LSAMP: variants seen among roughly 807,000 people sequenced by gnomAD.
LSAMP encodes the protein limbic system-associated membrane protein.
A neutral mutation model predicts 38.6 loss-of-function variants in LSAMP; 7 were observed. The observed-to-expected ratio is 0.18, with a 90% confidence interval of 0.10 to 0.34. The LOEUF is 0.34. Ranked by LOEUF, LSAMP falls within the 10% of genes least tolerant of loss-of-function variation. LSAMP has a pLI of 1.00. For missense variants in LSAMP, 313 were observed against 420.0 expected, an observed-to-expected ratio of 0.75 and a Z score of 2.23; for synonymous variants, 154 against 166.8, an observed-to-expected ratio of 0.92 and a Z score of 0.59.
intron 3 of LSAMP, among the ~76,000 whole-genome samples, chr3:115,855,670 T>C (rs1375394305): frequency 6.6e-6 from 1 of 152,198 alleles, no homozygotes; most frequent in Admixed American, 6.5e-5. Flanking sequence ...CCAACAATTC[T>C]CCTGCTCCTT....
At chr3:116,228,330 A>G (rs565797978) in intron 1 of LSAMP, among the ~76,000 whole-genome samples, 1 of 152,200 alleles carries the variant, frequency 6.6e-6, no homozygotes, top group African/African-American at 2.4e-5. Flanking sequence ...TAGAATGTAC[A>G]ATGTTATCAT....
At chr3:115,993,649 A>G (rs545704284) in intron 3 of LSAMP, among the ~76,000 whole-genome samples, 156 of 152,200 alleles carry the variant, frequency 1.0e-3, no homozygotes, top group African/African-American at 3.2e-3. Flanking sequence ...TTGAACATAC[A>G]TATTTTAAAC....
chr3:116,279,167 G>A (rs2047093972), intron 1 of LSAMP, among the ~76,000 whole-genome samples: 1 of 152,188 alleles, frequency 6.6e-6, no homozygotes. Context: ...CTGGGAAAGA[G>A]AGGGACAGAG....
intron 1 of LSAMP, among the ~76,000 whole-genome samples, chr3:116,443,639 G>A (rs997343537): frequency 1.3e-5 from 2 of 152,050 alleles, no homozygotes; most frequent in Non-Finnish European, 1.5e-5. Flanking sequence ...GATGCCCCAG[G>A]GTTTATGCAC....
chr3:116,267,415 T>G (rs1456283631), intron 1 of LSAMP, among the ~76,000 whole-genome samples: 1 of 152,130 alleles, frequency 6.6e-6, no homozygotes, highest in Non-Finnish European at 1.5e-5. Context: ...GTACAATGTT[T>G]CCTGTTGTAC....
intron 1 of LSAMP, among the ~76,000 whole-genome samples, chr3:116,427,750 A>G (rs1386267220): frequency 6.6e-6 from 1 of 152,142 alleles, no homozygotes; most frequent in Non-Finnish European, 1.5e-5. Flanking sequence ...TCTGTTGAAC[A>G]TTTATTTAAT....
In LSAMP at chr3:116,093,667, G is replaced by A. The variant is rs538359807; in HGVS notation, c.156-7111C>T. Among the ~76,000 whole-genome samples, 4 of 152,196 alleles carry A rather than the reference G, an allele frequency of 2.6e-5. No individual in the cohort carries two copies. In the East Asian group the frequency reaches 7.7e-4, roughly 29 times the overall value. On this transcript the variant is annotated intron_variant, in intron 1 of 6. Coordinates refer to ENST00000490035, the MANE Select transcript of LSAMP (RefSeq NM_002338.5). The stretch of plus-strand genomic sequence containing the variant: ...CAGGATAGGTAAAGGAGAATCATTT[G>A]GAGAAAAATTGATTTTTTTTAAGAA...
At chr3:116,111,007 G>A (rs992715604) in intron 1 of LSAMP, among the ~76,000 whole-genome samples, 1 of 152,072 alleles carries the variant, frequency 6.6e-6, no homozygotes, top group Non-Finnish European at 1.5e-5. Context: ...GTCACAAGGT[G>A]CTCAGTGGGG....
chr3:116,265,558 G>T (rs75429064), intron 1 of LSAMP, among the ~76,000 whole-genome samples: 2 of 152,084 alleles, frequency 1.3e-5, no homozygotes, highest in South Asian at 2.1e-4. Context: ...CTAAATACTC[G>T]TTCCAGGATG....
At chr3:115,927,104 CTTCTTTAT>C (rs935012986) in intron 3 of LSAMP, among the ~76,000 whole-genome samples, 5 of 152,196 alleles carry the variant, frequency 3.3e-5, no homozygotes, top group Admixed American at 2.6e-4. Context: ...GAATGGTACT[CTTCTTTAT>C]GGGAAATATA....
chr3:116,152,118 A>G (rs1463537189), intron 1 of LSAMP, among the ~76,000 whole-genome samples: 1 of 152,016 alleles, frequency 6.6e-6, no homozygotes, highest in African/African-American at 2.4e-5. Context: ...GTCTGACATA[A>G]ACTCTTGAGG....
At chr3:116,251,438 G>A (rs368460741) in intron 1 of LSAMP, among the ~76,000 whole-genome samples, 2 of 152,134 alleles carry the variant, frequency 1.3e-5, no homozygotes, top group African/African-American at 4.8e-5. Context: ...GGGAGCCAAG[G>A]CCACCCAGCA....
chr3:115,808,104 TCCTTCCTCCCTCCCTCCCTCCCTC>T lies in LSAMP; in HGVS notation c.*2189_*2212del, dbSNP rs1381814013. On this transcript the variant is annotated 3_prime_UTR_variant, in exon 7 of 7. Coordinates refer to ENST00000490035, the MANE Select transcript of LSAMP (RefSeq NM_002338.5). ...CTTTCTCCTTCCTTCCTTCCTTCCT[TCCTTCCTCCCTCCCTCCCTCCCTC>T]CCTCCCTCCCTCCCTCCCTCCCCCC... is the stretch of plus-strand genomic sequence containing the variant. 107 of 92,080 alleles carry T rather than the reference TCCTTCCTCCCTCCCTCCCTCCCTC, an allele frequency of 1.2e-3. No individual in the cohort carries two copies. Among genetic ancestry groups the T allele is most frequent in the African/African-American group, 5.1e-3 (102 of 19,892 alleles). 5.7% of individuals were successfully genotyped at this position (92,080 alleles called of 1,614,324 possible).
chr3:116,249,978 G>A (rs1488601542), intron 1 of LSAMP, among the ~76,000 whole-genome samples: 4 of 151,954 alleles, frequency 2.6e-5, no homozygotes, highest in Non-Finnish European at 2.9e-5. Context: ...AGCCATTATT[G>A]TAAATCCTAT....
intron 1 of LSAMP, among the ~76,000 whole-genome samples, chr3:116,163,548 G>A (rs1305651192): frequency 6.6e-6 from 1 of 151,792 alleles, no homozygotes; most frequent in Non-Finnish European, 1.5e-5. Context: ...GTGTGCATGT[G>A]TCTTTATAGC....
chr3:115,819,114 C>T (rs924745657), intron 6 of LSAMP, among the ~76,000 whole-genome samples: 3 of 150,964 alleles, frequency 2.0e-5, no homozygotes, highest in Admixed American at 1.3e-4. Context: ...CAGGCCCTTG[C>T]ACTCCAGCCT....
At chr3:116,072,161 G>A (rs188625956) in intron 2 of LSAMP, among the ~76,000 whole-genome samples, 152 of 152,000 alleles carry the variant, frequency 1.0e-3, no homozygotes, top group South Asian at 2.1e-3. Context: ...ATTTTCAGTA[G>A]AGATGGGGTT....
At chr3:116,191,542 G>A (rs1303430171) in intron 1 of LSAMP, among the ~76,000 whole-genome samples, 1 of 152,156 alleles carries the variant, frequency 6.6e-6, no homozygotes, top group African/African-American at 2.4e-5. Flanking sequence ...AGACAGTTTA[G>A]GGCTGAGGAT....
chr3:115,854,412 A>C (rs1430966132), intron 3 of LSAMP, among the ~76,000 whole-genome samples: 1 of 150,202 alleles, frequency 6.7e-6, no homozygotes. Flanking sequence ...CCTCCCGAGT[A>C]GCTGGGACTA....
Sources: gnomAD v4.1 joint callset for allele counts (sites outside exome capture counted in the v4.1 genomes callset) on GRCh38, gnomAD v4.1.1 for gene constraint, MANE v1.5 for transcripts, NCBI Gene and HGNC (gene_info 2026-07-23, HGNC 2026-07-21) for gene names.